The following MYO1H variants were observed in gnomAD, a reference collection of about 807,000 sequenced individuals.
The protein encoded by MYO1H is unconventional myosin-Ih.
A neutral mutation model predicts 149.3 loss-of-function variants in MYO1H; 118 were observed. The ratio of observed to expected loss-of-function variants is 0.79; its 90% CI spans 0.68 to 0.92. The LOEUF is 0.92. Ranked by LOEUF, MYO1H falls within the 40% of genes least tolerant of loss-of-function variation. The pLI is 0.00. For missense variants in MYO1H, 1,212 were observed against 1,280.7 expected (o/e 0.95, Z 0.82); for synonymous variants, 447 against 465.2 (o/e 0.96, Z 0.50).
intron 14 of MYO1H, among the ~76,000 whole-genome samples, chr12:109,412,816 C>T (rs1870729596): frequency 6.6e-6 from 1 of 152,082 alleles, no homozygotes; most frequent in Admixed American, 6.6e-5. Context: ...GATGGAGTCT[C>T]ACTCTGTTGC....
chr12:109,432,148 C>A (rs904463269), intron 19 of MYO1H, among the ~76,000 whole-genome samples: 1 of 151,830 alleles, frequency 6.6e-6, no homozygotes, highest in African/African-American at 2.4e-5. Flanking sequence ...ACTACAGGTG[C>A]CCGCCACCAT....
At chr12:109,397,689 A>T (rs368771037) in intron 4 of MYO1H, 43 bp from the exon 5 acceptor site, 14 of 1,523,788 alleles carry the variant, frequency 9.2e-6, no homozygotes, top group Non-Finnish European at 1.3e-5. Context: ...TTTGATACGC[A>T]TGGTGAGCTT....
exon 31 of MYO1H, chr12:109,445,584 A>G (rs1240223216): frequency 6.2e-7 from 1 of 1,610,022 alleles, no homozygotes; most frequent in African/African-American, 1.3e-5. Context: ...GAACAAGTCT[A>G]TAAAAATAAA....
At chr12:109,431,564 C>T (rs1042416555) in intron 19 of MYO1H, among the ~76,000 whole-genome samples, 10 of 152,116 alleles carry the variant, frequency 6.6e-5, no homozygotes, top group Admixed American at 2.0e-4. Context: ...GGTGAGGCAG[C>T]GACTCCTCCC....
intron 1 of MYO1H, among the ~76,000 whole-genome samples, chr12:109,383,939 C>T (rs1262687597): frequency 6.6e-6 from 1 of 152,156 alleles, no homozygotes; most frequent in Non-Finnish European, 1.5e-5. Flanking sequence ...TTGAGTGTTT[C>T]CTTGAATCCC....
Position 109,431,312 on chromosome 12 carries a change from G to A in MYO1H, c.1950-1585G>A, listed in dbSNP as rs896584478. 9.9e-5 allele frequency among the ~76,000 whole-genome samples: 15 copies of A among 151,932 alleles called. No homozygotes were observed. The East Asian group carries it at 2.1e-3, about 22-fold the overall frequency. Reference sequence around the variant, plus strand: ...GGAGAATGGCGTGAACCTGGGAGGCGGAGCTTGCAGTGAGTGGAGATTGTG... The same window carrying A: ...GGAGAATGGCGTGAACCTGGGAGGCAGAGCTTGCAGTGAGTGGAGATTGTG... On this transcript the variant is annotated intron_variant, in intron 19 of 31. Transcript: ENST00000310903.
At chr12:109,433,099 C>T in intron 20 of MYO1H, 89 bp downstream of exon 20, 2 of 1,048,512 alleles carry the variant, frequency 1.9e-6, no homozygotes, top group Non-Finnish European at 1.5e-6. Flanking sequence ...AGCCTGGAGA[C>T]TCGATTCCTA....
At chr12:109,447,945 A>C (rs1872555769) in exon 32 of MYO1H, 1 of 152,274 alleles carries the variant, frequency 6.6e-6, no homozygotes, top group Non-Finnish European at 1.5e-5. Flanking sequence ...ACAGCGCAAA[A>C]GCGTGTAGCG....
At chr12:109,401,248 C>G in exon 6 of MYO1H, 1 of 1,612,810 alleles carries the variant, frequency 6.2e-7, no homozygotes. Context: ...AGCGAGACCC[C>G]CAGCTGTATA....
the MYO1H span, among the ~76,000 whole-genome samples, chr12:109,318,184 GAAATATTTACATGGAGGAGAAGTAAC>G: frequency 6.6e-6 from 1 of 152,108 alleles, no homozygotes; most frequent in Non-Finnish European, 1.5e-5. Flanking sequence ...GCTGATTAAA[GAAATATTTACATGGAGGAGAAGTAAC>G]AAATATTTCT....
rs190975044 is a variant in MYO1H at position 109,398,579 on chromosome 12, C to T, written c.570+767C>T. On this transcript the variant is annotated intron_variant, in intron 5 of 31. Coordinates refer to ENST00000310903, the Ensembl canonical transcript of MYO1H. ...TGGTCAACATTGTGAAACCCCATCT[C>T]TAAAAAAAAAAATACAAAAAATTAG... 8.6e-5 allele frequency among the ~76,000 whole-genome samples: 13 copies of T among 150,910 alleles called. No homozygotes were observed. In the East Asian group the frequency reaches 2.3e-3, roughly 27 times the overall value.
intron 5 of MYO1H, 136 bp downstream of exon 5, chr12:109,397,948 G>T: frequency 1.8e-6 from 1 of 560,736 alleles, no homozygotes; most frequent in Non-Finnish European, 3.0e-6. Flanking sequence ...GGTTAGTGCT[G>T]GTTTTAGGAA....
intron 1 of MYO1H, among the ~76,000 whole-genome samples, chr12:109,374,604 C>T (rs554156821): frequency 1.3e-5 from 2 of 152,258 alleles, no homozygotes; most frequent in East Asian, 3.9e-4. Context: ...TTGTCCCCCA[C>T]AGCACATAAA....
chr12:109,408,015 C>T, intron 10 of MYO1H, 102 bp downstream of exon 10: 1 of 1,454,726 alleles, frequency 6.9e-7, no homozygotes. Context: ...ACTGTGGGCG[C>T]CTCATGGGCA....
chr12:109,421,076 A>G (rs774643281), intron 16 of MYO1H, 49 bp downstream of exon 16: 4 of 1,270,622 alleles, frequency 3.1e-6, no homozygotes, highest in Non-Finnish European at 4.5e-6. Flanking sequence ...TTGAAATATT[A>G]CCCATGATAG....
intron 23 of MYO1H, among the ~76,000 whole-genome samples, chr12:109,438,837 G>T (rs1871983079): frequency 6.6e-6 from 1 of 152,174 alleles, no homozygotes; most frequent in Admixed American, 6.5e-5. Flanking sequence ...TCTTAGCCTG[G>T]CTCAAAAGTC....
intron 1 of MYO1H, among the ~76,000 whole-genome samples, chr12:109,387,001 T>A (rs888946141): frequency 2.0e-5 from 1 of 50,330 alleles, no homozygotes; most frequent in African/African-American, 7.6e-5. Flanking sequence ...AGTTCGTGTG[T>A]GTGTGTGTGT....
the MYO1H span, among the ~76,000 whole-genome samples, chr12:109,323,553 C>T: frequency 1.3e-5 from 2 of 152,186 alleles, no homozygotes; most frequent in Non-Finnish European, 2.9e-5. Flanking sequence ...TATTAAAAAG[C>T]AGATTCTGTT....
intron 6 of MYO1H, among the ~76,000 whole-genome samples, chr12:109,401,796 G>A (rs761701661): frequency 6.6e-6 from 1 of 151,772 alleles, no homozygotes; most frequent in Non-Finnish European, 1.5e-5. Context: ...CTGGAGTGCA[G>A]TAGCATAATA....
Sources: allele counts gnomAD v4.1 joint callset (sites outside exome capture counted in the v4.1 genomes callset), GRCh38; gene constraint gnomAD v4.1.1; transcripts MANE v1.5; gene names NCBI Gene and HGNC (gene_info 2026-07-23, HGNC 2026-07-21).